TUSC3: variants seen among roughly 807,000 people sequenced by gnomAD.
TUSC3 encodes dolichyl-diphosphooligosaccharide--protein glycosyltransferase subunit TUSC3.
Under a neutral mutation model 44.8 loss-of-function variants are expected in TUSC3, and 45 were observed. That is an observed-to-expected ratio of 1.00 (90% CI 0.79 to 1.29). The LOEUF (loss-of-function observed/expected upper bound fraction) is 1.29, where lower values mean the gene tolerates loss of function less well. Among genes scored for constraint, TUSC3 ranks in the 50% most tolerant of loss-of-function variants. TUSC3 has a pLI of 0.00. For missense variants in TUSC3, 519 were observed against 437.9 expected, an observed-to-expected ratio of 1.19 and a Z score of -1.65; for synonymous variants, 212 against 152.9, an observed-to-expected ratio of 1.39 and a Z score of -2.85.
the TUSC3 span, among the ~76,000 whole-genome samples, chr8:15,786,214 A>C: frequency 6.6e-6 from 1 of 152,250 alleles, no homozygotes; most frequent in African/African-American, 2.4e-5. Flanking sequence ...ACTTCATTAC[A>C]TACAAGCTTG....
At chr8:15,662,096 T>G (rs1281240016) in intron 4 of TUSC3, 60 bp from the exon 5 acceptor site, 1 of 1,593,000 alleles carries the variant, frequency 6.3e-7, no homozygotes, top group African/African-American at 1.3e-5. Context: ...GACTAGAATA[T>G]GATCAAAAGA....
chr8:15,672,037 G>A (rs985118089), intron 5 of TUSC3, among the ~76,000 whole-genome samples: 1 of 152,008 alleles, frequency 6.6e-6, no homozygotes, highest in Non-Finnish European at 1.5e-5. Context: ...TGGGCCATGA[G>A]TTAACCCTGT....
chr8:15,473,308 C>G (rs1800521243), intron 1 of TUSC3, among the ~76,000 whole-genome samples: 2 of 152,244 alleles, frequency 1.3e-5, no homozygotes, highest in Non-Finnish European at 2.9e-5. Context: ...GTTTACAACA[C>G]TGCAACAAAA....
intron 1 of TUSC3, among the ~76,000 whole-genome samples, chr8:15,562,426 G>A (rs1802511894): frequency 6.6e-6 from 1 of 152,098 alleles, no homozygotes. Flanking sequence ...GTGTAAGGGT[G>A]GTTTGTGGGT....
At chr8:15,455,881 A>C (rs992393605) in intron 1 of TUSC3, among the ~76,000 whole-genome samples, 12 of 152,208 alleles carry the variant, frequency 7.9e-5, no homozygotes, top group African/African-American at 2.9e-4. Flanking sequence ...GAGGAGACTG[A>C]ATTCTGCTAA....
At chr8:15,494,431 C>A (rs542628498) in intron 2 of TUSC3, among the ~76,000 whole-genome samples, 1 of 151,872 alleles carries the variant, frequency 6.6e-6, no homozygotes, top group East Asian at 2.0e-4. Flanking sequence ...GATTCTGCTG[C>A]CTCAGCCTCC....
At chr8:15,836,504 T>C in the TUSC3 span, among the ~76,000 whole-genome samples, 4 of 151,842 alleles carry the variant, frequency 2.6e-5, no homozygotes, top group African/African-American at 9.7e-5. Context: ...TAATATAAGA[T>C]TGGTACTAGA....
intron 7 of TUSC3, among the ~76,000 whole-genome samples, chr8:15,732,948 C>G (rs999092596): frequency 5.9e-5 from 9 of 152,154 alleles, no homozygotes; most frequent in African/African-American, 1.9e-4. Context: ...CATTTACTTA[C>G]TTGCCTGTAT....
At chr8:15,532,363 A>G (rs545698374) in intron 2 of TUSC3, among the ~76,000 whole-genome samples, 3 of 152,206 alleles carry the variant, frequency 2.0e-5, no homozygotes, top group Non-Finnish European at 4.4e-5. Flanking sequence ...GTGGAGGCTG[A>G]GAAGTACCTT....
chr8:15,606,289 A>T (rs926608114), intron 1 of TUSC3, among the ~76,000 whole-genome samples: 2 of 152,084 alleles, frequency 1.3e-5, no homozygotes, highest in African/African-American at 2.4e-5. Context: ...ATTTTGTCCT[A>T]TGATTTCTAA....
intron 1 of TUSC3, among the ~76,000 whole-genome samples, chr8:15,577,613 C>G (rs1217363940): frequency 6.8e-6 from 1 of 147,796 alleles, no homozygotes; most frequent in Non-Finnish European, 1.5e-5. Flanking sequence ...TGTCAAAGAT[C>G]AGATAGTTGT....
At chr8:15,569,931 G>C (rs982037803) in intron 1 of TUSC3, among the ~76,000 whole-genome samples, 7 of 151,848 alleles carry the variant, frequency 4.6e-5, no homozygotes, top group African/African-American at 9.7e-5. Context: ...TTAAAATTTT[G>C]TCATACTGCT....
intron 6 of TUSC3, among the ~76,000 whole-genome samples, chr8:15,693,894 C>T (rs1054044263): frequency 2.0e-5 from 3 of 151,940 alleles, no homozygotes; most frequent in Admixed American, 6.6e-5. Flanking sequence ...CAGTCTTTGA[C>T]CTCTGAGATT....
At chr8:15,501,744 C>G (rs1041004439) in intron 2 of TUSC3, among the ~76,000 whole-genome samples, 18 of 152,198 alleles carry the variant, frequency 1.2e-4, no homozygotes, top group Non-Finnish European at 1.5e-5. Flanking sequence ...ATAACACTTA[C>G]TGAGTGCTTA....
intron 1 of TUSC3, among the ~76,000 whole-genome samples, chr8:15,467,070 C>A (rs186058127): frequency 2.0e-5 from 3 of 151,914 alleles, no homozygotes; most frequent in African/African-American, 7.3e-5. Context: ...GTACAGTCTT[C>A]GCTTACAGTT....
At chr8:15,515,273 A>T (rs1396918377) in intron 2 of TUSC3, among the ~76,000 whole-genome samples, 3 of 152,158 alleles carry the variant, frequency 2.0e-5, no homozygotes, top group African/African-American at 7.2e-5. Flanking sequence ...ATGAACATCT[A>T]GCTCTGTCAG....
the TUSC3 span, among the ~76,000 whole-genome samples, chr8:15,851,589 G>A: frequency 1.3e-5 from 2 of 152,188 alleles, no homozygotes; most frequent in Admixed American, 6.5e-5. Context: ...TGAGCGTCAT[G>A]GCGAGGGACT....
chr8:15,629,672 T>C (rs924229101), intron 2 of TUSC3, among the ~76,000 whole-genome samples: 2 of 151,492 alleles, frequency 1.3e-5, no homozygotes, highest in Non-Finnish European at 2.9e-5. Context: ...CTTTGAAAAG[T>C]TCATAGTTAG....
chr8:15,586,461 G>A (rs1182337255), intron 1 of TUSC3, among the ~76,000 whole-genome samples: 1 of 152,086 alleles, frequency 6.6e-6, no homozygotes, highest in Non-Finnish European at 1.5e-5. Flanking sequence ...AGATAGGAGA[G>A]TGGGATAGAA....
Sources: allele counts gnomAD v4.1 joint callset (sites outside exome capture counted in the v4.1 genomes callset), GRCh38; gene constraint gnomAD v4.1.1; transcripts MANE v1.5; gene names NCBI Gene and HGNC (gene_info 2026-07-23, HGNC 2026-07-21).